Variants in MPDZ observed in about 807,000 individuals in gnomAD.
The protein encoded by MPDZ is multiple PDZ domain protein.
A neutral mutation model predicts 239.1 loss-of-function variants in MPDZ; 234 were observed. The observed-to-expected ratio is 0.98, with a 90% CI of 0.88 to 1.09. MPDZ has a LOEUF of 1.09. MPDZ is among the 50% of genes least tolerant of loss of function. The pLI is 0.00. For synonymous variants in MPDZ, 1,048 were observed against 881.3 expected (o/e 1.19, Z -3.35); for missense variants, 3,175 against 2,510.0 (o/e 1.26, Z -5.66).
intron 12 of MPDZ, among the ~76,000 whole-genome samples, chr9:13,204,447 C>A (rs1172629345): frequency 3.9e-5 from 6 of 151,986 alleles, no homozygotes; most frequent in Admixed American, 3.9e-4. Flanking sequence ...AATAATGCTA[C>A]TCTAAATTTT....
chr9:13,135,918 T>C (rs968404091), intron 31 of MPDZ, 174 bp downstream of exon 31: 2 of 508,336 alleles, frequency 3.9e-6, no homozygotes, highest in Admixed American at 3.5e-5. Context: ...ACATAAGTGG[T>C]ATGCTTATTT....
intron 1 of MPDZ, among the ~76,000 whole-genome samples, chr9:13,257,372 C>A (rs1051512642): frequency 9.2e-5 from 14 of 152,138 alleles, no homozygotes; most frequent in African/African-American, 3.4e-4. Flanking sequence ...TACTCAAGGT[C>A]AAACAGCTAG....
At chr9:13,195,468 C>G (rs993888309) in intron 13 of MPDZ, among the ~76,000 whole-genome samples, 5 of 152,096 alleles carry the variant, frequency 3.3e-5, no homozygotes, top group African/African-American at 1.2e-4. Flanking sequence ...ATGAAAAATT[C>G]TACCTAACAT....
rs1836761540 is a variant in MPDZ, at chr9:13,123,290, T to G, written c.4816A>C (p.Arg1606=). The change falls in exon 36 of 47, where the codon AGA becomes CGA. Residue 1606 remains arginine, a synonymous_variant. Transcript: ENST00000319217. ...PEPESIRNTS[R]SSTPAIFASD... is the part of the protein sequence containing the mutation. ...GCAAAAATTGCTGGTGTTGATGATC[T>G]GCTTGTATCTAAAAATAAGTTAAAA... 6 of 1,607,468 alleles carry G rather than the reference T, an allele frequency of 3.7e-6. No homozygotes were observed. Among genetic ancestry groups the G allele is most frequent in the Middle Eastern group, 1.7e-4 (1 of 5,854 alleles).
chr9:13,188,882 CGTTTACAAACATGA>C lies in MPDZ; in HGVS notation c.2252_2265del (p.Leu751ArgfsTer3), dbSNP rs1216884958. The C allele has an allele frequency of 6.2e-7, 1 of 1,613,562 alleles. No individual in the cohort carries two copies. Among genetic ancestry groups the C allele is most frequent in the Non-Finnish European group, 8.5e-7 (1 of 1,179,574 alleles). On this transcript the variant is annotated frameshift_variant, in exon 17 of 47. Coordinates refer to ENST00000319217, the MANE Select transcript of MPDZ (RefSeq NM_001378778.1). LOFTEE classifies it high-confidence loss of function. Reference sequence around the variant, plus strand: ...AGACTGCTGTTTTCCAAGTTAACATCGTTTACAAACATGAGTCGGTCACCAGGAAGAAGTCGTCC... The same window carrying C: ...AGACTGCTGTTTTCCAAGTTAACATCGTCGGTCACCAGGAAGAAGTCGTCC...
Position 13,216,878 on chromosome 9 carries a change from G to GT in MPDZ, c.1202-17dup. ...CCTGAAGGTTCTAAGATTAGAAATA[G>GT]TTTATTTTTCACAATTTTCAAAGCA... On this transcript the variant is annotated splice_polypyrimidine_tract_variant and intron_variant, in intron 9 of 46. Coordinates refer to ENST00000319217, the MANE Select transcript of MPDZ (RefSeq NM_001378778.1). 6.3e-7 allele frequency: 1 copy of GT among 1,586,146 alleles called. No individual in the cohort carries two copies. Among genetic ancestry groups the GT allele is most frequent in the Non-Finnish European group, 8.6e-7 (1 of 1,160,224 alleles).
At chr9:13,184,999 C>T (rs954574178) in intron 18 of MPDZ, among the ~76,000 whole-genome samples, 4 of 151,986 alleles carry the variant, frequency 2.6e-5, no homozygotes, top group African/African-American at 4.8e-5. Context: ...AGAGAGAATG[C>T]TATTTCGTCG....
At chr9:13,247,917 C>G in intron 2 of MPDZ, 116 bp from the exon 3 acceptor site, 1 of 1,031,242 alleles carries the variant, frequency 9.7e-7, no homozygotes, top group Admixed American at 2.3e-5. Context: ...ATAAAATTGT[C>G]TCTTTTAAAT....
Position 13,175,808 on chromosome 9 carries a change from A to C in MPDZ, c.2999T>G (p.Val1000Gly). ...AGTCCTTTCAAAAGATTCTTTAGAT[A>C]CATTTTGAAGCATGACACACTCAGC... ...CNAECVMLQN[V>G]SKESFERTIN... is the part of the protein sequence containing the mutation. The change falls in exon 21 of 47, where the codon GTA becomes GGA. Residue 1000 changes from valine to glycine, a missense_variant. Transcript: ENST00000319217. The C allele has an allele frequency of 1.9e-6, 3 of 1,583,924 alleles. No individual in the cohort carries two copies. In the East Asian group the frequency reaches 6.9e-5, roughly 36 times the overall value.
At chr9:13,180,950 T>C (rs1587577818) in intron 19 of MPDZ, among the ~76,000 whole-genome samples, 1 of 152,176 alleles carries the variant, frequency 6.6e-6, no homozygotes, top group Non-Finnish European at 1.5e-5. Context: ...AGCCCTTTGG[T>C]GTTTAGGCTG....
intron 15 of MPDZ, among the ~76,000 whole-genome samples, chr9:13,191,696 A>T (rs1954952538): frequency 6.6e-6 from 1 of 152,170 alleles, no homozygotes. Context: ...TTATTTAAAA[A>T]TATTTTTTAC....
intron 1 of MPDZ, among the ~76,000 whole-genome samples, chr9:13,269,317 T>C (rs905142714): frequency 5.6e-4 from 85 of 152,308 alleles, no homozygotes; most frequent in African/African-American, 2.0e-3. Flanking sequence ...GAGTTTGAAA[T>C]GCCTCTAGAA....
intron 1 of MPDZ, among the ~76,000 whole-genome samples, chr9:13,277,496 CA>C (rs1379937538): frequency 6.6e-6 from 1 of 152,094 alleles, no homozygotes; most frequent in East Asian, 1.9e-4. Flanking sequence ...TGCCTCCATC[CA>C]AAGCTTAGTA....
At chr9:13,198,733 CTCTCTGTGTGTGTGTGTGTGTGTGTG>C (rs1185865420) in intron 12 of MPDZ, among the ~76,000 whole-genome samples, 35 of 89,510 alleles carry the variant, frequency 3.9e-4, no homozygotes, top group African/African-American at 6.8e-4. Context: ...TTTAATCTCT[CTCTCTGTGTGTGTGTGTGTGTGTGTG>C]TGTGTGTGTG....
Position 13,188,753 on chromosome 9 carries a change from T to C in MPDZ, c.2364+31A>G, listed in dbSNP as rs760509314. The C allele has an allele frequency of 6.3e-6, 10 of 1,591,516 alleles. No individual in the cohort carries two copies. In the South Asian group the frequency reaches 1.1e-4, roughly 18 times the overall value. ...CTATGAACCATTTTGCTTATAAATA[T>C]AAAGGGAAGCAATAAAGTCTGAATT... On this transcript the variant is annotated intron_variant, in intron 17 of 46. Transcript: ENST00000319217.
At chr9:13,239,422 T>A (rs142215392) in intron 3 of MPDZ, among the ~76,000 whole-genome samples, 2 of 152,298 alleles carry the variant, frequency 1.3e-5, no homozygotes, top group East Asian at 3.9e-4. Flanking sequence ...AGTATTGTTG[T>A]AATGATGAAA....
At chr9:13,190,822 C>A (rs1179930825) in intron 15 of MPDZ, among the ~76,000 whole-genome samples, 3 of 152,020 alleles carry the variant, frequency 2.0e-5, no homozygotes, top group Non-Finnish European at 4.4e-5. Context: ...AGATTTGCCC[C>A]CAGCTTGAAG....
In MPDZ at chr9:13,179,073, C is replaced by T. The variant is rs191235714; in HGVS notation, c.2650-2656G>A. 2.0e-3 allele frequency among the ~76,000 whole-genome samples: 298 copies of T among 152,146 alleles called. 1 individual carries two copies. The highest frequency in any genetic ancestry group is 6.8e-3 in the Middle Eastern group (2 of 294). On this transcript the variant is annotated intron_variant, in intron 19 of 46. Transcript: ENST00000319217. ...ATTACACTCCTTTCCTTGAATGTGA[C>T]TTATTATCTCTCTAGAATTATCAGA... is the stretch of plus-strand genomic sequence containing the variant.
At chr9:13,140,234 A>G (rs962393243) in intron 27 of MPDZ, 85 bp from the exon 28 acceptor site, 8 of 1,348,328 alleles carry the variant, frequency 5.9e-6, no homozygotes, top group Admixed American at 2.4e-5. Context: ...TACTGTCAAA[A>G]ACAAAGACTG....
Sources: allele counts gnomAD v4.1 joint callset (sites outside exome capture counted in the v4.1 genomes callset), GRCh38; gene constraint gnomAD v4.1.1; transcripts MANE v1.5; gene names NCBI Gene and HGNC (gene_info 2026-07-23, HGNC 2026-07-21).